The following C10orf53 variants were observed in gnomAD, a reference collection of about 807,000 sequenced individuals.
The protein encoded by C10orf53 is UPF0728 protein C10orf53.
C10orf53 carries 8 observed loss-of-function variants against 9.4 expected under a neutral mutation model. The observed-to-expected ratio is 0.85, with a 90% CI of 0.50 to 1.53. The LOEUF (loss-of-function observed/expected upper bound fraction) is 1.53. Ranked by LOEUF, C10orf53 falls within the 40% of genes most tolerant of loss-of-function variation. The probability of loss-of-function intolerance (pLI) is 0.00; values close to 1 mark genes in which losing one functional copy is unlikely to be tolerated. For synonymous variants in C10orf53, 48 were observed against 46.0 expected, an observed-to-expected ratio of 1.04 and a Z score of -0.18; for missense variants, 117 against 117.8, an observed-to-expected ratio of 0.99 and a Z score of 0.03.
intron 1 of C10orf53, among the ~76,000 whole-genome samples, chr10:49,684,147 A>G (rs1209458787): frequency 6.6e-6 from 1 of 152,214 alleles, no homozygotes; most frequent in Non-Finnish European, 1.5e-5. Flanking sequence ...TCAAGAATCA[A>G]CTGACTGTTC....
At chr10:49,693,343 T>C (rs1178912147) in intron 1 of C10orf53, among the ~76,000 whole-genome samples, 1 of 152,210 alleles carries the variant, frequency 6.6e-6, no homozygotes, top group Non-Finnish European at 1.5e-5. Flanking sequence ...AAGATTAGAA[T>C]CATTTTTTGA....
At chr10:49,704,901 G>T (rs761560644) in intron 2 of C10orf53, among the ~76,000 whole-genome samples, 9 of 152,172 alleles carry the variant, frequency 5.9e-5, no homozygotes, top group East Asian at 1.9e-4. Flanking sequence ...AATCTAAAGC[G>T]TATATCTTTA....
intron 1 of C10orf53, among the ~76,000 whole-genome samples, chr10:49,690,838 T>C (rs1840577548): frequency 6.6e-6 from 1 of 152,192 alleles, no homozygotes; most frequent in Non-Finnish European, 1.5e-5. Context: ...TGTGTATGCC[T>C]CTGTGCTGAG....
chr10:49,704,757 A>G (rs1840710988), intron 2 of C10orf53, among the ~76,000 whole-genome samples: 1 of 152,178 alleles, frequency 6.6e-6, no homozygotes. Flanking sequence ...AAATTAAAAT[A>G]AAAAAGGAAA....
intron 1 of C10orf53, among the ~76,000 whole-genome samples, chr10:49,684,767 G>A (rs979987822): frequency 6.6e-6 from 1 of 152,136 alleles, no homozygotes; most frequent in African/African-American, 2.4e-5. Context: ...AAGAACACTA[G>A]CAGTTTTGGG....
exon 3 of C10orf53, chr10:49,709,782 G>C (rs1285129490): frequency 6.6e-6 from 1 of 152,368 alleles, no homozygotes; most frequent in Non-Finnish European, 1.5e-5. Context: ...TGCCCTCCTG[G>C]CATCCCCTTC....
chr10:49,687,834 G>T (rs1023933948), intron 1 of C10orf53, among the ~76,000 whole-genome samples: 3 of 152,216 alleles, frequency 2.0e-5, no homozygotes, highest in Non-Finnish European at 2.9e-5. Context: ...GCAACAGGAA[G>T]CCAGTGAAGG....
chr10:49,693,930 C>G, intron 2 of C10orf53, 37 bp downstream of exon 2: 1 of 1,613,912 alleles, frequency 6.2e-7, no homozygotes, highest in Non-Finnish European at 8.5e-7. Flanking sequence ...CAGCAATTTG[C>G]CTCCTCTGAG....
rs1197027043 is a variant in C10orf53, at chr10:49,694,980, A to G, written c.*378A>G. The G allele has an allele frequency of 5.0e-6, 5 of 997,392 alleles. No homozygotes were observed. The highest frequency in any genetic ancestry group is 6.0e-6 in the Non-Finnish European group (5 of 834,620). 61.8% of individuals were successfully genotyped at this position (997,392 alleles called of 1,614,324 possible). ...CCATTGTTTAGTACTCAAAGTGCTC[A>G]GAACAGGTGAAATTAAAGAGAGGTT... On this transcript the variant is annotated 3_prime_UTR_variant, in exon 3 of 3. Transcript: ENST00000374111.
Position 49,695,840 on chromosome 10 carries a change from C to T in C10orf53, c.*1238C>T, listed in dbSNP as rs1290054886. 1 of 152,242 alleles carries T rather than the reference C, an allele frequency of 6.6e-6. No homozygotes were observed. Among genetic ancestry groups the T allele is most frequent in the Non-Finnish European group, 1.5e-5 (1 of 68,050 alleles). The allele number at this position is 152,242 out of a possible 1,614,324, so 9.4% of individuals were successfully genotyped here. On this transcript the variant is annotated 3_prime_UTR_variant, in exon 3 of 3. Coordinates refer to ENST00000374111, the MANE Select transcript of C10orf53 (RefSeq NM_001042427.3). ...AAACTGAGGCTCAAAAGAGATTCTT[C>T]CTCCCAGTGTCTGGTGCTGGTTTTC...
rs952148296 is a variant in C10orf53, at chr10:49,695,255, G to T, written c.*653G>T. ...AGAGTCCTCAGCAGAATGTGAGATG[G>T]TTCCCTGGTCCCTCTGGAGTAGAAC... On this transcript the variant is annotated 3_prime_UTR_variant, in exon 3 of 3. Transcript: ENST00000374111. 12 of 152,440 alleles carry T rather than the reference G, an allele frequency of 7.9e-5. No individual in the cohort carries two copies. The highest frequency in any genetic ancestry group is 2.9e-4 in the African/African-American group (12 of 41,468). The allele number at this position is 152,440 out of a possible 1,614,324, so 9.4% of individuals were successfully genotyped here. A position where few individuals can be genotyped will look rare whatever the true frequency, so the allele number is the denominator to read the frequency against.
intron 2 of C10orf53, among the ~76,000 whole-genome samples, chr10:49,705,678 G>A (rs982887346): frequency 6.6e-6 from 1 of 151,374 alleles, no homozygotes; most frequent in Non-Finnish European, 1.5e-5. Flanking sequence ...AAACTCTTAG[G>A]AAAAAAACCT....
At chr10:49,708,235 A>G in intron 2 of C10orf53, 3 of 1,405,400 alleles carry the variant, frequency 2.1e-6, no homozygotes, top group Non-Finnish European at 2.8e-6. Context: ...TATAGGAAAT[A>G]TATTGGTTTG....
chr10:49,684,410 T>C (rs1191765151), intron 1 of C10orf53, among the ~76,000 whole-genome samples: 1 of 152,252 alleles, frequency 6.6e-6, no homozygotes, highest in Non-Finnish European at 1.5e-5. Flanking sequence ...ATTGGGAATG[T>C]GATAGGTATT....
chr10:49,693,725 G>A (rs370927757), intron 1 of C10orf53, 49 bp from the exon 2 acceptor site: 40 of 1,589,112 alleles, frequency 2.5e-5, no homozygotes, highest in Non-Finnish European at 3.4e-6. Flanking sequence ...AGTCAGGTTA[G>A]TTTGAAGTCT....
At chr10:49,708,766 G>C in exon 3 of C10orf53, 1 of 1,120,246 alleles carries the variant, frequency 8.9e-7, no homozygotes, top group Non-Finnish European at 1.3e-6. Flanking sequence ...ATGTCCCACA[G>C]GCAACCTGTG....
exon 3 of C10orf53, chr10:49,708,853 A>G: frequency 1.7e-6 from 1 of 590,922 alleles, no homozygotes; most frequent in Non-Finnish European, 2.9e-6. Context: ...TCGATGAACT[A>G]CTTACTCAAT....
chr10:49,684,583 C>A (rs1355366447), intron 1 of C10orf53, among the ~76,000 whole-genome samples: 2 of 1,014 alleles, frequency 2.0e-3, no homozygotes, highest in Non-Finnish European at 0.029. Flanking sequence ...TAATTGTTTG[C>A]ATATATTCCT....
chr10:49,705,699 C>A (rs1840718063), intron 2 of C10orf53, among the ~76,000 whole-genome samples: 1 of 151,960 alleles, frequency 6.6e-6, no homozygotes, highest in South Asian at 2.1e-4. Flanking sequence ...ACAGTTAAAT[C>A]TTCATGACCT....
Sources: gnomAD v4.1 joint callset for allele counts (sites outside exome capture counted in the v4.1 genomes callset) on GRCh38, gnomAD v4.1.1 for gene constraint, MANE v1.5 for transcripts, NCBI Gene and HGNC (gene_info 2026-07-23, HGNC 2026-07-21) for gene names.